Variants in FAF1 observed in about 807,000 individuals in gnomAD.
The protein encoded by FAF1 is Fas associated factor 1.
Under a neutral mutation model 92.5 loss-of-function variants are expected in FAF1, and 25 were observed. The observed-to-expected ratio is 0.27, with a 90% confidence interval of 0.20 to 0.38. The LOEUF (loss-of-function observed/expected upper bound fraction) is 0.38, where lower values mean the gene tolerates loss of function less well. FAF1 is among the 10% of genes least tolerant of loss of function. FAF1 has a pLI of 1.00. For synonymous variants in FAF1, 234 were observed against 273.2 expected (o/e 0.86, Z 1.42); for missense variants, 636 against 793.3 (o/e 0.80, Z 2.38).
chr1:50,480,324 T>C (rs1646685896), intron 17 of FAF1, among the ~76,000 whole-genome samples: 1 of 152,176 alleles, frequency 6.6e-6, no homozygotes, highest in Non-Finnish European at 1.5e-5. Flanking sequence ...TCTCTTACAA[T>C]AAGAATCAAA....
At chr1:50,870,542 C>G (rs972640028) in intron 1 of FAF1, among the ~76,000 whole-genome samples, 5 of 152,230 alleles carry the variant, frequency 3.3e-5, no homozygotes, top group Non-Finnish European at 7.3e-5. Context: ...CAATAGTACA[C>G]GCTAATTGCA....
intron 2 of FAF1, among the ~76,000 whole-genome samples, chr1:50,844,258 T>C (rs967592315): frequency 3.9e-5 from 6 of 152,170 alleles, no homozygotes; most frequent in Non-Finnish European, 5.9e-5. Context: ...TTGAATTCCT[T>C]ATATAGCCTG....
intron 15 of FAF1, among the ~76,000 whole-genome samples, chr1:50,506,407 G>A (rs973724716): frequency 1.8e-4 from 27 of 151,928 alleles, no homozygotes; most frequent in Non-Finnish European, 3.1e-4. Context: ...CTCTGCCTTT[G>A]TCCATCCTTT....
intron 2 of FAF1, among the ~76,000 whole-genome samples, chr1:50,835,853 T>A (rs1199839764): frequency 2.0e-5 from 3 of 152,080 alleles, no homozygotes; most frequent in African/African-American, 7.2e-5. Context: ...TTTGGGTAGA[T>A]CAAGGCACCA....
At chr1:50,473,269 T>C (rs925620265) in intron 18 of FAF1, among the ~76,000 whole-genome samples, 1 of 152,142 alleles carries the variant, frequency 6.6e-6, no homozygotes, top group African/African-American at 2.4e-5. Context: ...CCTAGCTCCT[T>C]TTAAGATATT....
At chr1:50,957,542 A>G (rs1570189766) in intron 1 of FAF1, among the ~76,000 whole-genome samples, 1 of 151,130 alleles carries the variant, frequency 6.6e-6, no homozygotes, top group African/African-American at 2.4e-5. Flanking sequence ...TTTAGTAGAG[A>G]CCGGGTTTCG....
In FAF1 at chr1:50,688,134, T is replaced by G. The variant is rs1424641739; in HGVS notation, c.657+17652A>C. On this transcript the variant is annotated intron_variant, in intron 7 of 18. Transcript: ENST00000396153. ...CTGGGCAACAGAGCGAGACTCTATC[T>G]CAAAAAAAATAAATAAATAAATAAA... is the stretch of plus-strand genomic sequence containing the variant. 2.0e-5 allele frequency among the ~76,000 whole-genome samples: 3 copies of G among 147,616 alleles called. No homozygotes were observed. The East Asian group carries it at 5.9e-4, about 29-fold the overall frequency.
chr1:50,700,207 G>T (rs1569793238), intron 7 of FAF1, among the ~76,000 whole-genome samples: 1 of 146,662 alleles, frequency 6.8e-6, no homozygotes. Flanking sequence ...CATTGCTACA[G>T]AGCAAGCGAG....
intron 18 of FAF1, among the ~76,000 whole-genome samples, chr1:50,448,639 T>C (rs189521884): frequency 6.6e-6 from 1 of 152,168 alleles, no homozygotes; most frequent in Admixed American, 6.6e-5. Context: ...AGCTATACCA[T>C]GGACTGAGTG....
At chr1:50,702,806 G>A (rs1475002788) in intron 7 of FAF1, among the ~76,000 whole-genome samples, 2 of 151,964 alleles carry the variant, frequency 1.3e-5, no homozygotes, top group Non-Finnish European at 2.9e-5. Flanking sequence ...TGACCATATG[G>A]TCATTGAATA....
At chr1:50,526,263 A>G (rs1322355757) in intron 15 of FAF1, among the ~76,000 whole-genome samples, 1 of 151,818 alleles carries the variant, frequency 6.6e-6, no homozygotes, top group African/African-American at 2.4e-5. Context: ...TCATGGTGGC[A>G]TGAGCCACCG....
intron 4 of FAF1, among the ~76,000 whole-genome samples, chr1:50,765,358 A>C (rs1239077272): frequency 6.6e-6 from 1 of 152,228 alleles, no homozygotes; most frequent in Admixed American, 6.5e-5. Flanking sequence ...CCAATACATT[A>C]TCTACAGAAT....
chr1:50,780,745 G>C (rs1388114653), intron 4 of FAF1: 1 of 293,936 alleles, frequency 3.4e-6, no homozygotes, highest in African/African-American at 2.2e-5. Flanking sequence ...TCTGATGCTG[G>C]AGAACAAATC....
chr1:50,901,171 A>T (rs1368219872), intron 1 of FAF1, among the ~76,000 whole-genome samples: 1 of 152,212 alleles, frequency 6.6e-6, no homozygotes, highest in African/African-American at 2.4e-5. Flanking sequence ...TCCTCTTAAA[A>T]AATATAATCC....
chr1:50,526,908 G>A (rs2149032929), intron 15 of FAF1, among the ~76,000 whole-genome samples: 1 of 151,494 alleles, frequency 6.6e-6, no homozygotes, highest in South Asian at 2.1e-4. Context: ...CAGCTGGAGT[G>A]TAGTGGCGTG....
rs891932661 is a variant in FAF1, at chr1:50,777,292, G to A, written c.367+10708C>T. Reference sequence around the variant, plus strand: ...AAATTTGCCAAACATGGTGGCGTGCGCCTGTAGTCCCAGCACTCGGGAAGC... The same window carrying A: ...AAATTTGCCAAACATGGTGGCGTGCACCTGTAGTCCCAGCACTCGGGAAGC... On this transcript the variant is annotated intron_variant, in intron 4 of 18. Coordinates refer to ENST00000396153, the MANE Select transcript of FAF1 (RefSeq NM_007051.3). Among the ~76,000 whole-genome samples, 6 of 151,392 alleles carry A rather than the reference G, an allele frequency of 4.0e-5. No homozygotes were observed. The South Asian group carries it at 8.3e-4, about 21-fold the overall frequency.
At chr1:50,519,370 AGGAGGGAG>A (rs781526889) in intron 15 of FAF1, among the ~76,000 whole-genome samples, 31,719 of 99,342 alleles carry the variant, frequency 0.32, 5,302 homozygotes, top group Middle Eastern at 0.48. Context: ...GAAGGAAGGA[AGGAGGGAG>A]GGAGGGAGGG....
intron 15 of FAF1, among the ~76,000 whole-genome samples, chr1:50,520,260 TA>T (rs1647430316): frequency 6.6e-6 from 1 of 152,144 alleles, no homozygotes; most frequent in Non-Finnish European, 1.5e-5. Context: ...GGCAAATCTG[TA>T]ACTGGAAGAA....
At chr1:50,592,274 TTTG>T (rs1426073893) in intron 9 of FAF1, among the ~76,000 whole-genome samples, 2 of 152,174 alleles carry the variant, frequency 1.3e-5, no homozygotes, top group African/African-American at 2.4e-5. Context: ...ATTAAAACTT[TTTG>T]TTGTTGTTAA....
Sources: gnomAD v4.1 joint callset for allele counts (sites outside exome capture counted in the v4.1 genomes callset) on GRCh38, gnomAD v4.1.1 for gene constraint, MANE v1.5 for transcripts, NCBI Gene and HGNC (gene_info 2026-07-23, HGNC 2026-07-21) for gene names.